Variants in SND1 observed in about 807,000 individuals in gnomAD.
The protein encoded by SND1 is staphylococcal nuclease domain-containing protein 1.
Under a neutral mutation model 121.7 loss-of-function variants are expected in SND1, and 38 were observed. The observed-to-expected ratio is 0.31, with a 90% CI of 0.24 to 0.41. SND1 has a LOEUF of 0.41. SND1 is among the 10% of genes least tolerant of loss of function. The pLI, the probability that SND1 is intolerant of heterozygous loss-of-function variation, is 1.00. For synonymous variants in SND1, 401 were observed against 447.4 expected, an observed-to-expected ratio of 0.90 and a Z score of 1.31; for missense variants, 868 against 1,184.6, an observed-to-expected ratio of 0.73 and a Z score of 3.92.
At chr7:127,750,760 A>T (rs1797075971) in intron 10 of SND1, among the ~76,000 whole-genome samples, 1 of 152,194 alleles carries the variant, frequency 6.6e-6, no homozygotes, top group African/African-American at 2.4e-5. Context: ...GATTAAGGAT[A>T]TTCAACTCGT....
At chr7:127,742,184 A>C (rs773819277) in intron 10 of SND1, among the ~76,000 whole-genome samples, 2 of 152,330 alleles carry the variant, frequency 1.3e-5, no homozygotes, top group Admixed American at 6.5e-5. Context: ...CTGCATGAAC[A>C]CTGGGCTGAT....
At chr7:127,766,633 GGC>G (rs1797420153) in intron 10 of SND1, among the ~76,000 whole-genome samples, 1 of 151,560 alleles carries the variant, frequency 6.6e-6, no homozygotes, top group Admixed American at 6.6e-5. Context: ...AAATTAGCCG[GGC>G]GTGGTGGCGG....
At chr7:127,927,042 T>G (rs1320864386) in intron 14 of SND1, among the ~76,000 whole-genome samples, 1 of 152,168 alleles carries the variant, frequency 6.6e-6, no homozygotes, top group Non-Finnish European at 1.5e-5. Context: ...TTGATTTTTA[T>G]GACATGGGTA....
intron 12 of SND1, among the ~76,000 whole-genome samples, chr7:127,870,007 G>T (rs999484686): frequency 1.3e-5 from 2 of 152,172 alleles, no homozygotes; most frequent in Non-Finnish European, 2.9e-5. Context: ...ATCTGTGTGT[G>T]AATGTAGGAG....
chr7:128,085,225 G>A lies in SND1; in HGVS notation c.2234+378G>A, dbSNP rs547651618. On this transcript the variant is annotated intron_variant, in intron 19 of 23. Coordinates refer to ENST00000354725, the MANE Select transcript of SND1 (RefSeq NM_014390.4). The surrounding 1 kb of genome is among the most constrained non-coding windows in gnomAD (Gnocchi z 4.4). ...TACAGTAAGCCTAAACCAGCTGCCC[G>A]ACCCTCTTCCCCGGCTGTCTAGGAC... Among the ~76,000 whole-genome samples, 7 of 152,260 alleles carry A rather than the reference G, an allele frequency of 4.6e-5. No homozygotes were observed. The South Asian group carries it at 1.0e-3, about 23-fold the overall frequency.
At chr7:127,814,199 T>C (rs2116589660) in intron 11 of SND1, among the ~76,000 whole-genome samples, 1 of 152,304 alleles carries the variant, frequency 6.6e-6, no homozygotes, top group Middle Eastern at 3.4e-3. Context: ...TTCTGAAATG[T>C]CGTCCTTGGG....
At chr7:127,858,780 A>G (rs1181200481) in intron 12 of SND1, among the ~76,000 whole-genome samples, 1 of 152,210 alleles carries the variant, frequency 6.6e-6, no homozygotes, top group Non-Finnish European at 1.5e-5. Context: ...ATGTGCTGAA[A>G]CAAGTATCTT....
At chr7:127,747,563 C>T (rs567769977) in intron 10 of SND1, among the ~76,000 whole-genome samples, 13 of 152,248 alleles carry the variant, frequency 8.5e-5, no homozygotes, top group Admixed American at 5.9e-4. Context: ...TCATGTCCAG[C>T]CTGGAAGATC....
At chr7:127,850,513 C>T (rs1459889919) in intron 12 of SND1, among the ~76,000 whole-genome samples, 1 of 152,124 alleles carries the variant, frequency 6.6e-6, no homozygotes. Context: ...TTATAGCCAA[C>T]CCTTTTTCCC....
At chr7:127,749,041 T>C (rs1477529696) in intron 10 of SND1, among the ~76,000 whole-genome samples, 3 of 131,852 alleles carry the variant, frequency 2.3e-5, no homozygotes, top group Admixed American at 1.7e-4. Flanking sequence ...TTTTTTTCTT[T>C]CGTTTTTTTT....
At chr7:127,824,008 G>A (rs1176499833) in intron 11 of SND1, among the ~76,000 whole-genome samples, 1 of 152,086 alleles carries the variant, frequency 6.6e-6, no homozygotes, top group Non-Finnish European at 1.5e-5. Flanking sequence ...ATTTGCGCTG[G>A]TATTAAATAT....
At position 128,085,810 on chromosome 7, in the gene SND1, G is replaced by A. The variant is rs1196470712; in HGVS notation, c.2304+30G>A. The A allele has an allele frequency of 4.4e-6, 7 of 1,591,582 alleles. No individual in the cohort carries two copies. The highest frequency in any genetic ancestry group is 6.0e-6 in the Non-Finnish European group (7 of 1,159,744). On this transcript the variant is annotated intron_variant, in intron 20 of 23. Transcript: ENST00000354725. This position sits in a 1 kb window ranked among gnomAD's most constrained non-coding sequence, Gnocchi z 4.4. ...GTGTTGGGGACCAGAGTGTTGGAGG[G>A]GCTATCAAACACAGCAGCCCCCGAG...
intron 11 of SND1, among the ~76,000 whole-genome samples, chr7:127,834,037 T>C (rs970588097): frequency 1.3e-5 from 2 of 152,222 alleles, no homozygotes; most frequent in Non-Finnish European, 2.9e-5. Context: ...TCCTTCCTTT[T>C]TAAAGCTGAA....
intron 16 of SND1, among the ~76,000 whole-genome samples, chr7:128,033,762 G>T (rs979050415): frequency 1.3e-5 from 2 of 152,098 alleles, no homozygotes; most frequent in African/African-American, 4.8e-5. Flanking sequence ...TGAGTCAAAC[G>T]TTGCCTAGGG....
At chr7:127,917,440 T>C (rs10487499) in intron 14 of SND1, among the ~76,000 whole-genome samples, 33,822 of 152,196 alleles carry the variant, frequency 0.22, 4,249 homozygotes, top group Middle Eastern at 0.33. Context: ...TTGCTCTCTT[T>C]ACTAGGAACA....
intron 16 of SND1, chr7:128,030,628 A>G (rs200183455): frequency 6.4e-7 from 1 of 1,560,888 alleles, no homozygotes; most frequent in Non-Finnish European, 8.7e-7. Flanking sequence ...GTTACCTGCC[A>G]CAAGAGCTTC....
chr7:128,058,210 C>A (rs571823574), intron 16 of SND1, among the ~76,000 whole-genome samples: 1 of 152,408 alleles, frequency 6.6e-6, no homozygotes, highest in South Asian at 2.1e-4. Flanking sequence ...AGAGCTCAGT[C>A]ACTCTGTGAC....
chr7:127,923,056 A>G (rs1800752336), intron 14 of SND1, among the ~76,000 whole-genome samples: 1 of 152,178 alleles, frequency 6.6e-6, no homozygotes, highest in African/African-American at 2.4e-5. Context: ...TGGCATGATT[A>G]TAGCTCTCGG....
intron 16 of SND1, among the ~76,000 whole-genome samples, chr7:128,012,663 G>A (rs972994355): frequency 6.6e-6 from 1 of 152,140 alleles, no homozygotes; most frequent in Admixed American, 6.5e-5. Flanking sequence ...CAGCAAGTGG[G>A]ACGAGCAGCA....
Sources: gnomAD v4.1 joint callset for allele counts (sites outside exome capture counted in the v4.1 genomes callset) on GRCh38, gnomAD v4.1.1 for gene constraint, Gnocchi (gnomAD v3.1) non-coding constraint, MANE v1.5 for transcripts, NCBI Gene and HGNC (gene_info 2026-07-23, HGNC 2026-07-21) for gene names.